OSBPL6: variants seen among roughly 807,000 people sequenced by gnomAD.
OSBPL6 encodes the protein oxysterol binding protein like 6, also known as oxysterol-binding protein-related protein 6.
Under a neutral mutation model 125.8 loss-of-function variants are expected in OSBPL6, and 49 were observed. That is an observed-to-expected ratio of 0.39 (90% CI 0.31 to 0.49). The LOEUF (loss-of-function observed/expected upper bound fraction) is 0.49. Ranked by LOEUF, OSBPL6 falls within the 20% of genes least tolerant of loss-of-function variation. The pLI is 0.88. For missense variants in OSBPL6, 986 were observed against 1,135.4 expected (o/e 0.87, Z 1.89); for synonymous variants, 394 against 391.8 (o/e 1.01, Z -0.07).
rs1696095310 is a variant in OSBPL6, at chr2:178,401,207, T to C, written c.*5648T>C. ...CCGTCGGTATCCAGAATGACTGCTC[T>C]TGAAATGATATTTTGATGATGATGA... On this transcript the variant is annotated 3_prime_UTR_variant, in exon 25 of 25. Coordinates refer to ENST00000190611, the MANE Select transcript of OSBPL6 (RefSeq NM_032523.4). 1 of 152,260 alleles carries C rather than the reference T, an allele frequency of 6.6e-6. No individual in the cohort carries two copies. Among genetic ancestry groups the C allele is most frequent in the Non-Finnish European group, 1.5e-5 (1 of 68,048 alleles). The allele number at this position is 152,260 out of a possible 1,614,324, so 9.4% of individuals were successfully genotyped here.
At chr2:178,366,796 G>A (rs1692876011) in intron 13 of OSBPL6, among the ~76,000 whole-genome samples, 1 of 152,150 alleles carries the variant, frequency 6.6e-6, no homozygotes, top group South Asian at 2.1e-4. Flanking sequence ...CCTGAGACTT[G>A]GCCAAATTTG....
chr2:178,341,481 C>T (rs1690193926), intron 11 of OSBPL6, among the ~76,000 whole-genome samples: 1 of 151,978 alleles, frequency 6.6e-6, no homozygotes, highest in African/African-American at 2.4e-5. Context: ...AGAAAATATT[C>T]ATTCATACTT....
chr2:178,292,235 T>C (rs1685351459), intron 2 of OSBPL6, among the ~76,000 whole-genome samples: 1 of 152,156 alleles, frequency 6.6e-6, no homozygotes, highest in Admixed American at 6.6e-5. Context: ...CCAACATTTG[T>C]GAATTATTTT....
intron 12 of OSBPL6, among the ~76,000 whole-genome samples, chr2:178,358,231 T>TA (rs1257015644): frequency 1.3e-5 from 2 of 151,752 alleles, no homozygotes; most frequent in East Asian, 1.9e-4. Context: ...TAAACTAAAA[T>TA]AAAAAAATTT....
At chr2:178,367,605 T>G (rs1016665688) in intron 13 of OSBPL6, among the ~76,000 whole-genome samples, 1 of 152,206 alleles carries the variant, frequency 6.6e-6, no homozygotes, top group African/African-American at 2.4e-5. Context: ...TGAATGGTAG[T>G]TAGTAGCTAA....
At chr2:178,193,928 A>C (rs573363868), upstream of OSBPL6, among the ~76,000 whole-genome samples, 9 of 152,266 alleles carry the variant, frequency 5.9e-5, no homozygotes, top group Non-Finnish European at 1.2e-4. Context: ...GGGAGCAGGC[A>C]CGCACAGTCG....
chr2:178,380,456 CAAAAAAAAAAAAAAAA>C (rs60399092), intron 15 of OSBPL6, among the ~76,000 whole-genome samples: 3 of 25,988 alleles, frequency 1.2e-4, no homozygotes, highest in African/African-American at 1.5e-4. Flanking sequence ...GAGTCTGTCT[CAAAAAAAAAAAAAAAA>C]AAAAAAAAAA....
intron 3 of OSBPL6, among the ~76,000 whole-genome samples, chr2:178,314,840 C>T (rs929414540): frequency 1.3e-5 from 2 of 152,158 alleles, no homozygotes; most frequent in Non-Finnish European, 2.9e-5. Context: ...GTTTCTGGAG[C>T]CCTTGTTCTT....
upstream of OSBPL6, among the ~76,000 whole-genome samples, chr2:178,193,813 T>C (rs763719320): frequency 6.6e-6 from 1 of 152,190 alleles, no homozygotes; most frequent in Non-Finnish European, 1.5e-5. Context: ...ACTGACTGAC[T>C]TTGATCGGCT....
At chr2:178,317,452 ATATATATATAT>A (rs1309771523) in intron 3 of OSBPL6, among the ~76,000 whole-genome samples, 1 of 49,572 alleles carries the variant, frequency 2.0e-5, no homozygotes, top group Non-Finnish European at 4.2e-5. Context: ...ATATATATAT[ATATATATATAT>A]ATATATATAT....
At chr2:178,251,975 G>A (rs1289937892) in intron 1 of OSBPL6, among the ~76,000 whole-genome samples, 1 of 152,166 alleles carries the variant, frequency 6.6e-6, no homozygotes, top group Non-Finnish European at 1.5e-5. Flanking sequence ...ACCTGAGGCT[G>A]AAGAGTGATG....
At chr2:178,376,025 G>T (rs1345052999) in intron 15 of OSBPL6, among the ~76,000 whole-genome samples, 1 of 152,116 alleles carries the variant, frequency 6.6e-6, no homozygotes, top group Non-Finnish European at 1.5e-5. Flanking sequence ...GGGCAGGGTC[G>T]CAGGGAGATG....
chr2:178,202,157 T>A (rs2089292604), intron 1 of OSBPL6, among the ~76,000 whole-genome samples: 3 of 152,248 alleles, frequency 2.0e-5, no homozygotes. Context: ...TGAAAAGTTA[T>A]CTTTTAAAGA....
chr2:178,296,641 G>A lies in OSBPL6; in HGVS notation c.-155-9389G>A, dbSNP rs115500571. The stretch of plus-strand genomic sequence containing the variant: ...CATAGTCTATTTCAAGGTCCCAGGG[G>A]AATGTCTTTGAAGCCCTAAACTGGG... On this transcript the variant is annotated intron_variant, in intron 2 of 24. Transcript: ENST00000190611. Among the ~76,000 whole-genome samples, 650 of 152,262 alleles carry A rather than the reference G, an allele frequency of 4.3e-3. 5 individuals carry two copies. The highest frequency in any genetic ancestry group is 0.026 in the South Asian group (123 of 4,818).
chr2:178,221,668 A>G (rs1240508324), intron 1 of OSBPL6, among the ~76,000 whole-genome samples: 1 of 152,232 alleles, frequency 6.6e-6, no homozygotes, highest in East Asian at 1.9e-4. Flanking sequence ...ATTCTTACAG[A>G]GATGAGGATT....
At chr2:178,370,192 G>T (rs1221829572) in intron 13 of OSBPL6, among the ~76,000 whole-genome samples, 2 of 152,116 alleles carry the variant, frequency 1.3e-5, no homozygotes, top group Non-Finnish European at 2.9e-5. Flanking sequence ...TTGAACCCAG[G>T]AGGCCGAGGT....
Position 178,223,297 on chromosome 2 carries a change from G to A in OSBPL6, c.-351+28623G>A, listed in dbSNP as rs141439677. 6.8e-3 allele frequency among the ~76,000 whole-genome samples: 1,033 copies of A among 152,178 alleles called. 8 individuals are homozygous for A. The highest frequency in any genetic ancestry group is 0.011 in the Non-Finnish European group (728 of 68,006). ...ATTGTGTTGGCCATTTGAATTTTGT[G>A]GTTACATTCCCTCCTTTGTGTTTTT... On this transcript the variant is annotated intron_variant, in intron 1 of 24. Coordinates refer to ENST00000190611, the MANE Select transcript of OSBPL6 (RefSeq NM_032523.4).
chr2:178,332,710 C>A lies in OSBPL6; in HGVS notation c.442C>A (p.Arg148=). 1.2e-6 allele frequency: 2 copies of A among 1,614,058 alleles called. No homozygotes were observed. Among genetic ancestry groups the A allele is most frequent in the South Asian group, 1.1e-5 (1 of 91,058 alleles). ...LSVMSIKKKA[R]RIDLDTEEHI... Reference sequence around the variant, plus strand: ...AGTCATGTCAATTAAAAAGAAAGCTCGAAGAATAGACCTTGACACCGAAGA... The same window carrying A: ...AGTCATGTCAATTAAAAAGAAAGCTAGAAGAATAGACCTTGACACCGAAGA... The change falls in exon 7 of 25, where the codon CGA becomes AGA. Residue 148 remains arginine (R), a synonymous_variant. Transcript: ENST00000190611.
At chr2:178,258,180 G>A (rs1248739581) in intron 1 of OSBPL6, among the ~76,000 whole-genome samples, 3 of 151,288 alleles carry the variant, frequency 2.0e-5, no homozygotes, top group Admixed American at 6.6e-5. Flanking sequence ...GGCTCACCAT[G>A]GCCTCCGCCT....
Sources: allele counts gnomAD v4.1 joint callset (sites outside exome capture counted in the v4.1 genomes callset), GRCh38; gene constraint gnomAD v4.1.1; transcripts MANE v1.5; gene names NCBI Gene and HGNC (gene_info 2026-07-23, HGNC 2026-07-21).